Variants in TRIM24 observed in about 807,000 individuals in gnomAD.
The protein encoded by TRIM24 is transcription intermediary factor 1-alpha.
In TRIM24, 29 loss-of-function variants were observed where a neutral mutation model predicts 123.9. The observed-to-expected ratio is 0.23, with a 90% CI of 0.17 to 0.32. TRIM24 has a LOEUF of 0.32. Ranked by LOEUF, TRIM24 falls within the 10% of genes least tolerant of loss-of-function variation. TRIM24 has a pLI of 1.00. For synonymous variants in TRIM24, 456 were observed against 461.1 expected, an observed-to-expected ratio of 0.99 and a Z score of 0.14; for missense variants, 932 against 1,295.3, an observed-to-expected ratio of 0.72 and a Z score of 4.31.
chr7:138,566,568 A>T (rs1797540111), intron 9 of TRIM24, among the ~76,000 whole-genome samples: 1 of 152,178 alleles, frequency 6.6e-6, no homozygotes, highest in South Asian at 2.1e-4. Context: ...GTAATTACTC[A>T]GTATCTTAAC....
At chr7:138,581,393 G>A (rs1584750986) in intron 16 of TRIM24, among the ~76,000 whole-genome samples, 1 of 152,268 alleles carries the variant, frequency 6.6e-6, no homozygotes, top group East Asian at 1.9e-4. Context: ...CCTAAGAGAC[G>A]TACGTTCTTC....
At chr7:138,489,657 A>G (rs1054960335) in intron 1 of TRIM24, among the ~76,000 whole-genome samples, 3 of 152,122 alleles carry the variant, frequency 2.0e-5, no homozygotes, top group Admixed American at 2.0e-4. Flanking sequence ...TCTTTTCTTT[A>G]AGAGTGTTGA....
intron 1 of TRIM24, among the ~76,000 whole-genome samples, chr7:138,479,580 T>C (rs1022422028): frequency 6.6e-5 from 10 of 152,020 alleles, no homozygotes; most frequent in Non-Finnish European, 1.5e-4. Context: ...TGGCGGGATG[T>C]TGGCTCACCG....
chr7:138,584,094 T>C, intron 18 of TRIM24, 95 bp downstream of exon 18: 4 of 1,375,944 alleles, frequency 2.9e-6, no homozygotes, highest in Non-Finnish European at 3.9e-6. Context: ...CCAAGATGTC[T>C]GAGTTAGAAT....
At chr7:138,467,350 T>G (rs1261795235) in intron 1 of TRIM24, among the ~76,000 whole-genome samples, 1 of 151,932 alleles carries the variant, frequency 6.6e-6, no homozygotes, top group East Asian at 1.9e-4. Flanking sequence ...TTTTGTTTTG[T>G]TTTGTTTTTT....
intron 1 of TRIM24, among the ~76,000 whole-genome samples, chr7:138,491,731 A>G (rs867553464): frequency 4.0e-4 from 61 of 152,314 alleles, no homozygotes; most frequent in Middle Eastern, 3.4e-3. Context: ...GGTGAACTAC[A>G]AAACTGTTAC....
chr7:138,560,001 T>C (rs1371866696), intron 9 of TRIM24, among the ~76,000 whole-genome samples: 1 of 152,200 alleles, frequency 6.6e-6, no homozygotes. Flanking sequence ...TTCCCCTAGT[T>C]CATGGAGGTC....
At chr7:138,471,632 C>T (rs553140353) in intron 1 of TRIM24, among the ~76,000 whole-genome samples, 1 of 152,194 alleles carries the variant, frequency 6.6e-6, no homozygotes, top group South Asian at 2.1e-4. Flanking sequence ...CCTCTGTCTC[C>T]TGGGTTCAAG....
chr7:138,479,534 C>T (rs992794525), intron 1 of TRIM24, among the ~76,000 whole-genome samples: 2 of 152,008 alleles, frequency 1.3e-5, no homozygotes, highest in African/African-American at 4.8e-5. Context: ...CTGAATGAGA[C>T]GGAGTTTTGC....
At chr7:138,548,827 A>G (rs1354367303) in intron 7 of TRIM24, among the ~76,000 whole-genome samples, 1 of 152,164 alleles carries the variant, frequency 6.6e-6, no homozygotes, top group African/African-American at 2.4e-5. Context: ...AACCAGGACA[A>G]AAACATACAC....
intron 14 of TRIM24, among the ~76,000 whole-genome samples, chr7:138,578,521 T>G (rs1330588804): frequency 1.4e-5 from 2 of 140,928 alleles, no homozygotes; most frequent in African/African-American, 2.7e-5. Flanking sequence ...TGAATGGTGG[T>G]GGTGGTGGTT....
chr7:138,538,877 A>G (rs1287705456), intron 7 of TRIM24, 74 bp downstream of exon 7: 45 of 1,346,124 alleles, frequency 3.3e-5, no homozygotes, highest in East Asian at 7.2e-5. Context: ...AATGCTTAAA[A>G]TTTATTCTGC....
rs575435488 is a variant in TRIM24, at chr7:138,555,584, G to A, written c.1530+618G>A. 3.6e-3 allele frequency among the ~76,000 whole-genome samples: 547 copies of A among 150,846 alleles called. 3 individuals are homozygous for A. Among genetic ancestry groups the A allele is most frequent in the African/African-American group, 0.013 (527 of 40,996 alleles). On this transcript the variant is annotated intron_variant, in intron 9 of 18. Coordinates refer to ENST00000343526, the MANE Select transcript of TRIM24 (RefSeq NM_015905.3). The stretch of plus-strand genomic sequence containing the variant: ...TACAACCTCTGCCTCCCGGGTTCAA[G>A]CGATTCTCCCACCTCAGCCTCCCAA...
chr7:138,575,973 G>A (rs78862857), intron 12 of TRIM24, among the ~76,000 whole-genome samples: 3,447 of 152,204 alleles, frequency 0.023, 135 homozygotes, highest in African/African-American at 0.078. Flanking sequence ...TGGCACTAGG[G>A]TCTCACTGAG....
At chr7:138,519,139 C>G (rs1563043466) in intron 3 of TRIM24, 50 bp from the exon 4 acceptor site, 1 of 1,605,258 alleles carries the variant, frequency 6.2e-7, no homozygotes, top group Admixed American at 1.7e-5. Flanking sequence ...TAATTATTTA[C>G]TATTCAATTA....
chr7:138,546,176 T>A (rs1226331404), intron 7 of TRIM24, among the ~76,000 whole-genome samples: 1 of 152,144 alleles, frequency 6.6e-6, no homozygotes, highest in African/African-American at 2.4e-5. Flanking sequence ...ATATCACCAG[T>A]GGTATGACAA....
rs1797992333 is a variant in TRIM24, at chr7:138,585,338, T to C, written c.*387T>C. The C allele has an allele frequency of 4.2e-6, 1 of 238,198 alleles. No homozygotes were observed. The highest frequency in any genetic ancestry group is 8.2e-6 in the Non-Finnish European group (1 of 122,466). The allele number at this position is 238,198 out of a possible 1,614,324, so 14.8% of individuals were successfully genotyped here. A position where few individuals can be genotyped will look rare whatever the true frequency, so the allele number is the denominator to read the frequency against. On this transcript the variant is annotated 3_prime_UTR_variant, in exon 19 of 19. Transcript: ENST00000343526. ...TTTAAGTTGAAAAGTAAAAAATATATGTGGTTTGGATGTGTGCTTTAATTC... is the reference window on the plus strand; with the variant it reads ...TTTAAGTTGAAAAGTAAAAAATATACGTGGTTTGGATGTGTGCTTTAATTC...
intron 1 of TRIM24, among the ~76,000 whole-genome samples, chr7:138,465,309 G>A (rs1396097318): frequency 6.6e-6 from 1 of 152,176 alleles, no homozygotes; most frequent in Non-Finnish European, 1.5e-5. Context: ...GTTATATCTA[G>A]GAGAGAGGCA....
intron 9 of TRIM24, among the ~76,000 whole-genome samples, chr7:138,555,575 C>T (rs367936382): frequency 2.0e-5 from 3 of 151,532 alleles, no homozygotes; most frequent in South Asian, 2.1e-4. Context: ...CTCTGCCTCC[C>T]GGGTTCAAGC....
Sources: allele counts gnomAD v4.1 joint callset (sites outside exome capture counted in the v4.1 genomes callset), GRCh38; gene constraint gnomAD v4.1.1; transcripts MANE v1.5; gene names NCBI Gene and HGNC (gene_info 2026-07-23, HGNC 2026-07-21).